The following PCDH15 variants were observed in gnomAD, a reference collection of about 807,000 sequenced individuals.
PCDH15 encodes protocadherin-15.
PCDH15 carries 129 observed loss-of-function variants against 178.5 expected under a neutral mutation model. The observed-to-expected ratio is 0.72, with a 90% CI of 0.63 to 0.84. The LOEUF is 0.84. Ranked by LOEUF, PCDH15 falls within the 40% of genes least tolerant of loss-of-function variation. The pLI, the probability that PCDH15 is intolerant of heterozygous loss-of-function variation, is 0.00. For missense variants in PCDH15, 2,230 were observed against 2,099.9 expected, an observed-to-expected ratio of 1.06 and a Z score of -1.21; for synonymous variants, 800 against 732.0, an observed-to-expected ratio of 1.09 and a Z score of -1.50.
intron 2 of PCDH15, among the ~76,000 whole-genome samples, chr10:54,622,654 CTATATAA>C (rs2093407770): frequency 3.4e-5 from 3 of 87,920 alleles, no homozygotes; most frequent in African/African-American, 1.6e-4. Context: ...TATATATATA[CTATATAA>C]TATATATTAT....
At chr10:55,291,812 T>A (rs1268166653) in intron 1 of PCDH15, among the ~76,000 whole-genome samples, 1 of 152,280 alleles carries the variant, frequency 6.6e-6, no homozygotes, top group Non-Finnish European at 1.5e-5. Context: ...CTCATGATCA[T>A]GGCAGAAGGC....
intron 2 of PCDH15, among the ~76,000 whole-genome samples, chr10:55,471,033 A>C (rs1184210197): frequency 6.6e-6 from 1 of 152,040 alleles, no homozygotes; most frequent in Non-Finnish European, 1.5e-5. Context: ...TGTTATATGG[A>C]TATACCACAG....
At chr10:53,815,804 A>G (rs4935470) in intron 35 of PCDH15, among the ~76,000 whole-genome samples, 27,683 of 152,040 alleles carry the variant, frequency 0.18, 3,564 homozygotes, top group East Asian at 0.67. Flanking sequence ...TTGGTAATAT[A>G]TGTGTCCAAA....
chr10:54,665,831 C>G (rs2094562206), intron 1 of PCDH15, among the ~76,000 whole-genome samples: 1 of 151,926 alleles, frequency 6.6e-6, no homozygotes, highest in Non-Finnish European at 1.5e-5. Flanking sequence ...GGACAGAAAG[C>G]CCAAAGAAGA....
intron 8 of PCDH15, among the ~76,000 whole-genome samples, chr10:54,308,533 T>C (rs996652114): frequency 3.9e-5 from 6 of 152,236 alleles, no homozygotes; most frequent in East Asian, 1.9e-4. Context: ...TAATTGGTGC[T>C]ATGGTATATT....
At chr10:54,159,905 A>C (rs900420058) in intron 13 of PCDH15, among the ~76,000 whole-genome samples, 4 of 152,174 alleles carry the variant, frequency 2.6e-5, no homozygotes, top group Admixed American at 2.6e-4. Flanking sequence ...TCATGGATAG[A>C]GGATTCATTC....
At chr10:55,460,649 C>T (rs1394356894) in intron 2 of PCDH15, among the ~76,000 whole-genome samples, 1 of 152,008 alleles carries the variant, frequency 6.6e-6, no homozygotes, top group Non-Finnish European at 1.5e-5. Flanking sequence ...ATATATTTAT[C>T]TTCCAATTCT....
chr10:55,463,945 GAAAGAAAGAA>G (rs1565165508), intron 2 of PCDH15, among the ~76,000 whole-genome samples: 1 of 21,426 alleles, frequency 4.7e-5, no homozygotes, highest in African/African-American at 3.2e-4. Flanking sequence ...AAGAAAGAAA[GAAAGAAAGAA>G]AGAAAGAAAG....
chr10:54,415,063 A>G (rs1393343684), intron 3 of PCDH15, among the ~76,000 whole-genome samples: 3 of 152,130 alleles, frequency 2.0e-5, no homozygotes, highest in Admixed American at 6.6e-5. Flanking sequence ...TTTCACATAG[A>G]AATGTTTAAA....
intron 25 of PCDH15, among the ~76,000 whole-genome samples, chr10:53,928,635 GTTC>G (rs1278404984): frequency 2.0e-5 from 3 of 151,976 alleles, no homozygotes; most frequent in Non-Finnish European, 4.4e-5. Flanking sequence ...ATAGATTCCA[GTTC>G]TTCTGTGCAT....
chr10:55,447,486 C>T (rs1431776710), intron 2 of PCDH15, among the ~76,000 whole-genome samples: 1 of 151,958 alleles, frequency 6.6e-6, no homozygotes, highest in East Asian at 1.9e-4. Flanking sequence ...ATTGTTTAGA[C>T]TATGCTGACA....
intron 2 of PCDH15, among the ~76,000 whole-genome samples, chr10:55,339,658 G>A (rs147985363): frequency 7.2e-4 from 109 of 152,170 alleles, no homozygotes; most frequent in South Asian, 4.1e-3. Flanking sequence ...TAAATAAAAT[G>A]ATAAACTGTT....
intron 2 of PCDH15, among the ~76,000 whole-genome samples, chr10:55,079,975 G>C (rs1293319074): frequency 6.6e-6 from 1 of 152,088 alleles, no homozygotes; most frequent in Admixed American, 6.6e-5. Context: ...TAGAACAGGG[G>C]ATTCTGTGGT....
intron 2 of PCDH15, among the ~76,000 whole-genome samples, chr10:54,601,020 G>A (rs1381689527): frequency 1.3e-5 from 2 of 151,986 alleles, no homozygotes; most frequent in African/African-American, 4.8e-5. Flanking sequence ...CCTTAAGAAA[G>A]CTATATATGA....
intron 2 of PCDH15, among the ~76,000 whole-genome samples, chr10:55,483,146 T>C (rs1008332700): frequency 2.0e-5 from 3 of 151,704 alleles, no homozygotes; most frequent in African/African-American, 7.3e-5. Flanking sequence ...TGATATCTAA[T>C]TAAAGAGTTT....
chr10:55,116,396 T>C (rs906015955), intron 2 of PCDH15, among the ~76,000 whole-genome samples: 13 of 152,132 alleles, frequency 8.5e-5, no homozygotes, highest in Admixed American at 7.2e-4. Context: ...TAATTTCATA[T>C]AGTTCAATAT....
chr10:54,297,604 G>A (rs769468351), intron 8 of PCDH15, among the ~76,000 whole-genome samples: 12 of 152,052 alleles, frequency 7.9e-5, no homozygotes, highest in Non-Finnish European at 1.5e-4. Flanking sequence ...AATCTCCCTT[G>A]CCCAGAGGGA....
At chr10:55,359,143 G>T (rs750625936) in intron 2 of PCDH15, among the ~76,000 whole-genome samples, 2 of 151,890 alleles carry the variant, frequency 1.3e-5, no homozygotes, top group Non-Finnish European at 2.9e-5. Flanking sequence ...GCTGCTGTGA[G>T]TTAGGGTGGC....
intron 2 of PCDH15, among the ~76,000 whole-genome samples, chr10:55,127,518 T>C (rs12780798): frequency 0.2 from 30,974 of 151,966 alleles, 3,951 homozygotes; most frequent in Non-Finnish European, 0.28. Flanking sequence ...ACCCATCAAA[T>C]AGACAAATTT....
Sources: gnomAD v4.1 joint callset for allele counts (sites outside exome capture counted in the v4.1 genomes callset) on GRCh38, gnomAD v4.1.1 for gene constraint, MANE v1.5 for transcripts, NCBI Gene and HGNC (gene_info 2026-07-23, HGNC 2026-07-21) for gene names.